The following EPHA3 variants were observed in gnomAD, a reference collection of about 807,000 sequenced individuals.
EPHA3 encodes EPH receptor A3.
In EPHA3, 42 loss-of-function variants were observed where a neutral mutation model predicts 107.1. That is an observed-to-expected ratio of 0.39 (90% CI 0.31 to 0.51). EPHA3 has a LOEUF of 0.51. Ranked by LOEUF, EPHA3 falls within the 20% of genes least tolerant of loss-of-function variation. The probability of loss-of-function intolerance (pLI) is 0.78; values close to 1 mark genes in which losing one functional copy is unlikely to be tolerated. For missense variants in EPHA3, 1,183 were observed against 1,211.2 expected (o/e 0.98, Z 0.35); for synonymous variants, 461 against 424.8 (o/e 1.09, Z -1.05).
chr3:89,265,904 A>G (rs1705528733), intron 3 of EPHA3, among the ~76,000 whole-genome samples: 1 of 152,196 alleles, frequency 6.6e-6, no homozygotes, highest in South Asian at 2.1e-4. Context: ...TTTCTGTAAG[A>G]TATACACAAG....
At chr3:89,113,444 G>C (rs1334581528) in intron 1 of EPHA3, among the ~76,000 whole-genome samples, 2 of 107,088 alleles carry the variant, frequency 1.9e-5, no homozygotes, top group Non-Finnish European at 3.4e-5. Flanking sequence ...AAATCTGAAA[G>C]TCAGCAAGTT....
At chr3:89,129,457 G>T (rs1472550662) in intron 2 of EPHA3, among the ~76,000 whole-genome samples, 1 of 151,786 alleles carries the variant, frequency 6.6e-6, no homozygotes, top group African/African-American at 2.4e-5. Flanking sequence ...GAACTCCGAA[G>T]CTAAAAAAAA....
chr3:89,238,731 G>A (rs1704827790), intron 3 of EPHA3, among the ~76,000 whole-genome samples: 2 of 152,182 alleles, frequency 1.3e-5, no homozygotes, highest in African/African-American at 4.8e-5. Flanking sequence ...TTTCTTTAGA[G>A]TGTTGTTAAC....
At chr3:89,295,614 C>T (rs908634350) in intron 3 of EPHA3, among the ~76,000 whole-genome samples, 1 of 151,980 alleles carries the variant, frequency 6.6e-6, no homozygotes, top group Admixed American at 6.6e-5. Flanking sequence ...TTGAGACAGA[C>T]TCTCTCTTTC....
chr3:89,230,672 CA>C (rs1032330349), intron 3 of EPHA3, among the ~76,000 whole-genome samples: 1 of 151,972 alleles, frequency 6.6e-6, no homozygotes, highest in African/African-American at 2.4e-5. Context: ...GAATTTTGAT[CA>C]AGGTGCTATT....
At chr3:89,208,965 G>T (rs1024864614) in intron 2 of EPHA3, among the ~76,000 whole-genome samples, 1 of 152,086 alleles carries the variant, frequency 6.6e-6, no homozygotes, top group African/African-American at 2.4e-5. Context: ...AGAAACAACT[G>T]GTCTAATAGT....
chr3:89,227,582 G>T (rs544336108), intron 3 of EPHA3, among the ~76,000 whole-genome samples: 14 of 152,088 alleles, frequency 9.2e-5, no homozygotes, highest in Admixed American at 7.9e-4. Flanking sequence ...GGAATGTGGG[G>T]CAAAATTTCT....
rs1372879443 is a variant in EPHA3 at position 89,392,212 on chromosome 3, G to T, written c.1307-3625G>T. On this transcript the variant is annotated intron_variant, in intron 5 of 16. Coordinates refer to ENST00000336596, the MANE Select transcript of EPHA3 (RefSeq NM_005233.6). ...CCCAGAATTTAGGGAGGCTGAGGCA[G>T]TTGGATCAACTGAGATCAGGAGTTC... Among the ~76,000 whole-genome samples, 7 of 152,306 alleles carry T rather than the reference G, an allele frequency of 4.6e-5. No individual in the cohort carries two copies. The East Asian group carries it at 1.4e-3, about 29-fold the overall frequency.
intron 3 of EPHA3, among the ~76,000 whole-genome samples, chr3:89,261,447 C>T (rs912548603): frequency 9.2e-5 from 14 of 152,188 alleles, no homozygotes; most frequent in Admixed American, 4.6e-4. Flanking sequence ...CTTCTCCATG[C>T]GGACCTTGCT....
At chr3:89,158,380 A>T (rs1386118738) in intron 2 of EPHA3, among the ~76,000 whole-genome samples, 3 of 152,048 alleles carry the variant, frequency 2.0e-5, no homozygotes, top group Non-Finnish European at 4.4e-5. Flanking sequence ...TTACTTCTCA[A>T]TTAAGGTATA....
At chr3:89,262,729 G>A (rs959247646) in intron 3 of EPHA3, among the ~76,000 whole-genome samples, 39 of 152,172 alleles carry the variant, frequency 2.6e-4, no homozygotes, top group African/African-American at 8.0e-4. Flanking sequence ...GCGGTAACTG[G>A]AGTCAGAAGC....
chr3:89,301,244 T>C (rs1039682471), intron 3 of EPHA3, among the ~76,000 whole-genome samples: 2 of 152,060 alleles, frequency 1.3e-5, no homozygotes, highest in African/African-American at 2.4e-5. Flanking sequence ...ATATTTTGAG[T>C]GTAGCAACAT....
chr3:89,304,327 T>G (rs2107350200), intron 3 of EPHA3, among the ~76,000 whole-genome samples: 1 of 152,266 alleles, frequency 6.6e-6, no homozygotes, highest in Middle Eastern at 3.4e-3. Context: ...TTTGTTAAAA[T>G]TAGTCAATTG....
chr3:89,127,677 GCT>G (rs1704121940), intron 2 of EPHA3, among the ~76,000 whole-genome samples: 1 of 151,866 alleles, frequency 6.6e-6, no homozygotes, highest in Non-Finnish European at 1.5e-5. Flanking sequence ...CTCAGTAACT[GCT>G]CTTCCAAGTA....
intron 2 of EPHA3, among the ~76,000 whole-genome samples, chr3:89,186,352 T>G (rs905763608): frequency 2.0e-5 from 3 of 150,806 alleles, no homozygotes; most frequent in Non-Finnish European, 3.0e-5. Context: ...TCTGTAACTA[T>G]CAATACATGT....
rs1289667682 is a variant in EPHA3, at chr3:89,479,870, A to G, written c.*368A>G. 4.1e-6 allele frequency: 1 copy of G among 246,430 alleles called. No individual in the cohort carries two copies. Among genetic ancestry groups the G allele is most frequent in the East Asian group, 5.9e-5 (1 of 17,062 alleles). 15.3% of individuals were successfully genotyped at this position (246,430 alleles called of 1,614,324 possible). A position where few individuals can be genotyped will look rare whatever the true frequency, so the allele number is the denominator to read the frequency against. On this transcript the variant is annotated 3_prime_UTR_variant, in exon 17 of 17. Transcript: ENST00000336596. ...ATGGTGGCTTTGTTTAGGTAGAGCC[A>G]CAAAAGAAAAGACTTGTAATATTTT...
intron 2 of EPHA3, among the ~76,000 whole-genome samples, chr3:89,156,376 A>G (rs1704807091): frequency 6.6e-6 from 1 of 152,230 alleles, no homozygotes; most frequent in Admixed American, 6.6e-5. Context: ...ACTTGAAAAC[A>G]CATTATAAAA....
intron 5 of EPHA3, among the ~76,000 whole-genome samples, chr3:89,386,563 G>T (rs1708627287): frequency 6.6e-6 from 1 of 152,208 alleles, no homozygotes; most frequent in Non-Finnish European, 1.5e-5. Flanking sequence ...TGCTGCAGGG[G>T]CAGAGCCCTC....
intron 15 of EPHA3, among the ~76,000 whole-genome samples, chr3:89,452,106 G>A (rs913676893): frequency 1.2e-4 from 19 of 152,050 alleles, no homozygotes; most frequent in African/African-American, 4.6e-4. Context: ...CCATTCTTCT[G>A]TCAGTGGATA....
Sources: allele counts gnomAD v4.1 joint callset (sites outside exome capture counted in the v4.1 genomes callset), GRCh38; gene constraint gnomAD v4.1.1; transcripts MANE v1.5; gene names NCBI Gene and HGNC (gene_info 2026-07-23, HGNC 2026-07-21).